Variants in SLC12A8 observed in about 807,000 individuals in gnomAD.
SLC12A8 encodes the protein cation-chloride cotransporter 9.
SLC12A8 carries 69 observed loss-of-function variants against 75.6 expected under a neutral mutation model. The ratio of observed to expected loss-of-function variants is 0.91; its 90% confidence interval spans 0.75 to 1.11. The LOEUF is 1.11. Among genes scored for constraint, SLC12A8 ranks in the 50% most tolerant of loss-of-function variants. The pLI, the probability that SLC12A8 is intolerant of heterozygous loss-of-function variation, is 0.00. For missense variants in SLC12A8, 877 were observed against 896.7 expected (o/e 0.98, Z 0.28); for synonymous variants, 365 against 372.8 (o/e 0.98, Z 0.24).
chr3:125,088,224 G>T, intron 13 of SLC12A8, 86 bp downstream of exon 13: 1 of 1,397,174 alleles, frequency 7.2e-7, no homozygotes. Flanking sequence ...CCAGGCCCAA[G>T]CCCAGCCAGG....
intron 5 of SLC12A8, among the ~76,000 whole-genome samples, chr3:125,153,522 C>G (rs1332624924): frequency 6.6e-6 from 1 of 152,218 alleles, no homozygotes; most frequent in Non-Finnish European, 1.5e-5. Flanking sequence ...GACACATCTC[C>G]CATGCTGGGA....
chr3:125,120,651 T>C lies in SLC12A8; in HGVS notation c.772A>G (p.Arg258Gly). Residue 258 changes from arginine (R) to glycine (G), a missense_variant, in exon 7 of 14, where the codon AGG becomes GGG. By Grantham distance (125) the Arg-to-Gly change is moderately radical. Coordinates refer to ENST00000469902, the MANE Select transcript of SLC12A8 (RefSeq NM_024628.6). ...AGGGGAATGCTGGCGGCAGGCTCCC[T>C]GAGGTCGCCCCCCATGTTGAAGCCG... ...MAGFNMGGDL[R>G]EPAASIPLGS... is the part of the protein sequence containing the mutation. The C allele has an allele frequency of 1.9e-6, 3 of 1,613,654 alleles. No homozygotes were observed. The highest frequency in any genetic ancestry group is 2.5e-6 in the Non-Finnish European group (3 of 1,179,924).
intron 5 of SLC12A8, among the ~76,000 whole-genome samples, chr3:125,170,395 C>G (rs1342801944): frequency 1.3e-5 from 2 of 152,144 alleles, no homozygotes; most frequent in African/African-American, 4.8e-5. Flanking sequence ...CATCAGTAAG[C>G]TAATCTTTAA....
chr3:125,195,257 G>A (rs1400521518), intron 2 of SLC12A8, among the ~76,000 whole-genome samples: 1 of 152,234 alleles, frequency 6.6e-6, no homozygotes, highest in South Asian at 2.1e-4. Context: ...CCTGAAAGCT[G>A]CATCTCTAAC....
intron 8 of SLC12A8, among the ~76,000 whole-genome samples, chr3:125,115,641 TTAAC>T (rs1278316384): frequency 1.3e-5 from 2 of 151,316 alleles, no homozygotes; most frequent in African/African-American, 4.9e-5. Context: ...AAGAAACAGA[TTAAC>T]TGACCAGCTG....
At chr3:125,115,850 A>T (rs1482394647) in intron 8 of SLC12A8, among the ~76,000 whole-genome samples, 1 of 152,252 alleles carries the variant, frequency 6.6e-6, no homozygotes, top group Non-Finnish European at 1.5e-5. Flanking sequence ...GCCTTTTTTC[A>T]GGCCCAGGAA....
intron 5 of SLC12A8, among the ~76,000 whole-genome samples, chr3:125,157,864 G>A (rs1214742362): frequency 6.6e-6 from 1 of 152,164 alleles, no homozygotes. Context: ...TTTGGTTAGG[G>A]GAGAGCCTGT....
chr3:125,193,562 G>A (rs532906679), intron 2 of SLC12A8, among the ~76,000 whole-genome samples: 2 of 152,168 alleles, frequency 1.3e-5, no homozygotes, highest in African/African-American at 2.4e-5. Context: ...GTGCTCTCCC[G>A]TTCTCTTCAG....
At chr3:125,085,719 G>C (rs192422473) in intron 13 of SLC12A8, among the ~76,000 whole-genome samples, 2 of 152,102 alleles carry the variant, frequency 1.3e-5, no homozygotes, top group Non-Finnish European at 2.9e-5. Flanking sequence ...TGGGATTACA[G>C]GTGTGCACCA....
At chr3:125,089,902 C>T (rs1938545551) in intron 12 of SLC12A8, among the ~76,000 whole-genome samples, 1 of 151,262 alleles carries the variant, frequency 6.6e-6, no homozygotes, top group South Asian at 2.1e-4. Context: ...ATAAATTTTC[C>T]TTAGCTACAT....
chr3:125,190,558 A>T (rs1013992524), intron 2 of SLC12A8, 37 bp from the exon 3 acceptor site: 2 of 1,609,076 alleles, frequency 1.2e-6, no homozygotes, highest in Non-Finnish European at 1.7e-6. Flanking sequence ...CTGAGGGGCC[A>T]TTGGGAGGGC....
intron 2 of SLC12A8, 146 bp from the exon 3 acceptor site, chr3:125,190,667 A>G: frequency 1.2e-6 from 1 of 852,434 alleles, no homozygotes; most frequent in African/African-American, 1.7e-5. Context: ...GTGTGTATAC[A>G]CACATGCATG....
chr3:125,114,582 G>A (rs752849866), intron 8 of SLC12A8, among the ~76,000 whole-genome samples: 2 of 151,990 alleles, frequency 1.3e-5, no homozygotes, highest in African/African-American at 4.8e-5. Flanking sequence ...GCACCACCAC[G>A]CCTGGCATAT....
At chr3:125,103,350 C>A (rs571688896) in intron 10 of SLC12A8, among the ~76,000 whole-genome samples, 2 of 151,942 alleles carry the variant, frequency 1.3e-5, no homozygotes, top group Admixed American at 1.3e-4. Flanking sequence ...TTTGGGGGTC[C>A]TCCAGTAAAA....
intron 4 of SLC12A8, among the ~76,000 whole-genome samples, chr3:125,180,029 G>GT (rs5852447): frequency 0.048 from 7,258 of 150,812 alleles, 245 homozygotes; most frequent in Admixed American, 0.074. Flanking sequence ...CTTCCAAACT[G>GT]TTTTTTTTTT....
chr3:125,200,955 C>G (rs534947164), intron 2 of SLC12A8, among the ~76,000 whole-genome samples: 2 of 152,300 alleles, frequency 1.3e-5, no homozygotes, highest in African/African-American at 4.8e-5. Context: ...TAACCAGGGA[C>G]AGTGACCATG....
intron 2 of SLC12A8, among the ~76,000 whole-genome samples, chr3:125,196,543 G>A (rs530039909): frequency 3.3e-5 from 5 of 152,318 alleles, no homozygotes; most frequent in Non-Finnish European, 5.9e-5. Context: ...GGAGTTAGAC[G>A]TATTAGTATG....
intron 11 of SLC12A8, among the ~76,000 whole-genome samples, chr3:125,091,871 A>T (rs952816901): frequency 2.0e-5 from 3 of 152,246 alleles, no homozygotes; most frequent in African/African-American, 4.8e-5. Flanking sequence ...AAATTTAGTA[A>T]CCCAGAAGTT....
At chr3:125,108,252 A>G (rs1939092431) in intron 9 of SLC12A8, 126 bp from the exon 10 acceptor site, 5 of 947,436 alleles carry the variant, frequency 5.3e-6, no homozygotes, top group Non-Finnish European at 7.7e-6. Flanking sequence ...GTGATTATTC[A>G]TCTATAAACT....
Sources: allele counts gnomAD v4.1 joint callset (sites outside exome capture counted in the v4.1 genomes callset), GRCh38; gene constraint gnomAD v4.1.1; transcripts MANE v1.5; gene names NCBI Gene and HGNC (gene_info 2026-07-23, HGNC 2026-07-21).